AGMO: variants seen among roughly 807,000 people sequenced by gnomAD.
AGMO encodes glyceryl-ether monooxygenase.
AGMO carries 75 observed loss-of-function variants against 60.2 expected under a neutral mutation model. The observed-to-expected ratio is 1.25, with a 90% confidence interval of 1.03 to 1.51. The LOEUF (loss-of-function observed/expected upper bound fraction) is 1.51. AGMO is among the 40% of genes most tolerant of loss of function. The probability of loss-of-function intolerance (pLI) is 0.00; values close to 1 mark genes in which losing one functional copy is unlikely to be tolerated. For synonymous variants in AGMO, 261 were observed against 177.1 expected (o/e 1.47, Z -3.76); for missense variants, 763 against 525.5 (o/e 1.45, Z -4.42).
intron 12 of AGMO, among the ~76,000 whole-genome samples, chr7:15,297,468 A>G (rs900205617): frequency 1.3e-5 from 2 of 152,112 alleles, no homozygotes; most frequent in East Asian, 3.9e-4. Flanking sequence ...GCATCTAATG[A>G]CTCATGAGTG....
chr7:15,313,804 A>C (rs1780835749), intron 12 of AGMO, among the ~76,000 whole-genome samples: 1 of 151,958 alleles, frequency 6.6e-6, no homozygotes, highest in Non-Finnish European at 1.5e-5. Flanking sequence ...AAATATTAAT[A>C]ACAATAACTA....
At chr7:15,164,476 T>C in the AGMO span, among the ~76,000 whole-genome samples, 1 of 151,648 alleles carries the variant, frequency 6.6e-6, no homozygotes, top group Admixed American at 6.6e-5. Flanking sequence ...TGGGAGAAAA[T>C]ATTTGCAAAC....
In AGMO at chr7:15,558,386, A is replaced by G. The variant is rs528656248; in HGVS notation, c.257+1755T>C. Among the ~76,000 whole-genome samples, 235 of 152,188 alleles carry G rather than the reference A, an allele frequency of 1.5e-3. 1 individual carries two copies. The highest frequency in any genetic ancestry group is 5.1e-3 in the African/African-American group (214 of 41,568). On this transcript the variant is annotated intron_variant, in intron 2 of 12. Coordinates refer to ENST00000342526, the MANE Select transcript of AGMO (RefSeq NM_001004320.2). ...ATTGGGTGACGTTTATAGTTTATCAATAATCTGATTTCCATAACCTATACA... is the reference window on the plus strand; with the variant it reads ...ATTGGGTGACGTTTATAGTTTATCAGTAATCTGATTTCCATAACCTATACA...
intron 3 of AGMO, among the ~76,000 whole-genome samples, chr7:15,457,190 C>T (rs1782020069): frequency 6.6e-6 from 1 of 152,090 alleles, no homozygotes; most frequent in African/African-American, 2.4e-5. Context: ...ACAGGAAATA[C>T]TGATTCCTTT....
At chr7:15,434,887 G>C (rs1781356176) in intron 3 of AGMO, among the ~76,000 whole-genome samples, 1 of 117,288 alleles carries the variant, frequency 8.5e-6, no homozygotes, top group Non-Finnish European at 1.7e-5. Context: ...TCAGTCCCTA[G>C]TATCCAATGA....
At chr7:15,412,684 T>TAAAA (rs765917941) in intron 5 of AGMO, among the ~76,000 whole-genome samples, 4 of 111,354 alleles carry the variant, frequency 3.6e-5, no homozygotes, top group East Asian at 2.4e-4. Flanking sequence ...TTTCATTATT[T>TAAAA]AAAAAAAAAA....
the AGMO span, among the ~76,000 whole-genome samples, chr7:15,183,192 A>G: frequency 1.3e-5 from 2 of 151,506 alleles, no homozygotes; most frequent in African/African-American, 4.9e-5. Context: ...TTATATGTCT[A>G]TTCTATCCTC....
intron 12 of AGMO, among the ~76,000 whole-genome samples, chr7:15,302,921 G>C (rs1273662921): frequency 6.6e-6 from 1 of 152,064 alleles, no homozygotes; most frequent in African/African-American, 2.4e-5. Flanking sequence ...AAAAAATAAA[G>C]TCAGGAAAAG....
the AGMO span, among the ~76,000 whole-genome samples, chr7:15,194,376 A>T: frequency 0.18 from 20,359 of 110,280 alleles, 1,591 homozygotes; most frequent in East Asian, 0.37. Context: ...AAGTAAAATT[A>T]AAAAAAAAGA....
At chr7:15,290,728 A>G (rs1784238980) in intron 12 of AGMO, among the ~76,000 whole-genome samples, 2 of 152,148 alleles carry the variant, frequency 1.3e-5, no homozygotes, top group Non-Finnish European at 2.9e-5. Context: ...CATTTTATCA[A>G]ATCATCAAAA....
chr7:15,394,851 G>A (rs541914963), intron 5 of AGMO, among the ~76,000 whole-genome samples: 121 of 152,172 alleles, frequency 8.0e-4, no homozygotes, highest in African/African-American at 2.4e-3. Context: ...ACATCTTAGA[G>A]GCACAATTCG....
intron 2 of AGMO, among the ~76,000 whole-genome samples, chr7:15,555,275 A>G (rs1785097295): frequency 1.1e-5 from 1 of 87,390 alleles, no homozygotes; most frequent in Non-Finnish European, 2.0e-5. Context: ...TGGATCATAT[A>G]TATATATATA....
chr7:15,144,037 A>G, the AGMO span, among the ~76,000 whole-genome samples: 4 of 152,208 alleles, frequency 2.6e-5, no homozygotes, highest in Admixed American at 2.6e-4. Context: ...TCATTGACCT[A>G]TTGAACTATT....
At chr7:15,385,135 C>T (rs1278338357) in intron 10 of AGMO, among the ~76,000 whole-genome samples, 2 of 152,102 alleles carry the variant, frequency 1.3e-5, no homozygotes, top group African/African-American at 4.8e-5. Flanking sequence ...ACATTTAATT[C>T]TGACTTCTGA....
At chr7:15,224,072 G>C (rs940969627) in intron 12 of AGMO, among the ~76,000 whole-genome samples, 3 of 151,924 alleles carry the variant, frequency 2.0e-5, no homozygotes, top group Non-Finnish European at 4.4e-5. Flanking sequence ...AGAATAAAGA[G>C]AGATCTAAAT....
intron 12 of AGMO, among the ~76,000 whole-genome samples, chr7:15,357,442 G>A (rs1215617327): frequency 6.6e-6 from 1 of 152,064 alleles, no homozygotes; most frequent in African/African-American, 2.4e-5. Flanking sequence ...CAGCGTGGTA[G>A]ACGGATAAAA....
chr7:15,395,560 C>T (rs975449571), intron 5 of AGMO, among the ~76,000 whole-genome samples: 2 of 152,018 alleles, frequency 1.3e-5, no homozygotes, highest in African/African-American at 4.8e-5. Flanking sequence ...CTGAAATATA[C>T]ACGACAGCTG....
At position 15,553,360 on chromosome 7, in the gene AGMO, A is replaced by T. The variant is rs546202648; in HGVS notation, c.257+6781T>A. 5.3e-5 allele frequency among the ~76,000 whole-genome samples: 8 copies of T among 151,750 alleles called. No homozygotes were observed. In the South Asian group the frequency reaches 1.5e-3, roughly 28 times the overall value. On this transcript the variant is annotated intron_variant, in intron 2 of 12. Transcript: ENST00000342526. Reference sequence around the variant, plus strand: ...AAATAAATAAAATAAAATAAAATAGAAAAAAAAGAAAGATTAAAACAAAGT... The same window carrying T: ...AAATAAATAAAATAAAATAAAATAGTAAAAAAAGAAAGATTAAAACAAAGT...
chr7:15,233,560 T>C (rs1012332256), intron 12 of AGMO, among the ~76,000 whole-genome samples: 7 of 151,548 alleles, frequency 4.6e-5, no homozygotes, highest in East Asian at 3.9e-4. Flanking sequence ...GTTTTTTTTT[T>C]TCCCCCCTTT....
Sources: allele counts gnomAD v4.1 joint callset (sites outside exome capture counted in the v4.1 genomes callset), GRCh38; gene constraint gnomAD v4.1.1; transcripts MANE v1.5; gene names NCBI Gene and HGNC (gene_info 2026-07-23, HGNC 2026-07-21).